RXYLT1: variants seen among roughly 807,000 people sequenced by gnomAD.
The protein encoded by RXYLT1 is ribitol xylosyltransferase 1.
RXYLT1 carries 41 observed loss-of-function variants against 43.5 expected under a neutral mutation model. The ratio of observed to expected loss-of-function variants is 0.94; its 90% CI spans 0.73 to 1.22. The LOEUF (loss-of-function observed/expected upper bound fraction) is 1.22, where lower values mean the gene tolerates loss of function less well. Ranked by LOEUF, RXYLT1 falls within the 50% of genes most tolerant of loss-of-function variation. RXYLT1 has a pLI of 0.00. For missense variants in RXYLT1, 514 were observed against 532.0 expected, an observed-to-expected ratio of 0.97 and a Z score of 0.33; for synonymous variants, 166 against 194.4, an observed-to-expected ratio of 0.85 and a Z score of 1.21.
In RXYLT1 at chr12:63,802,076, T is replaced by C. The variant is rs1012849894; in HGVS notation, c.429-15T>C. The C allele has an allele frequency of 1.9e-5, 30 of 1,557,460 alleles. No homozygotes were observed. The highest frequency in any genetic ancestry group is 2.6e-5 in the Non-Finnish European group (30 of 1,153,244). ...CTTTGTTTGTCTCTTGTTTTTGTTG[T>C]GTTGTTTTTAACAGCTTCATCACTG... On this transcript the variant is annotated splice_polypyrimidine_tract_variant and intron_variant, in intron 3 of 5. Transcript: ENST00000261234.
chr12:63,781,324 C>G (rs893402554), intron 2 of RXYLT1, 150 bp downstream of exon 2: 3 of 760,506 alleles, frequency 3.9e-6, no homozygotes, highest in African/African-American at 3.6e-5. Flanking sequence ...ATTCCTTTCT[C>G]CTTCCAATTA....
chr12:63,788,412 A>T (rs1054513952), intron 3 of RXYLT1, among the ~76,000 whole-genome samples: 1 of 152,192 alleles, frequency 6.6e-6, no homozygotes, highest in African/African-American at 2.4e-5. Flanking sequence ...AAGCTGTTTC[A>T]TCTGCATTGA....
chr12:63,801,542 A>G (rs1215521516), intron 3 of RXYLT1, among the ~76,000 whole-genome samples: 1 of 152,182 alleles, frequency 6.6e-6, no homozygotes. Flanking sequence ...AAAAAAGGTC[A>G]GGCATGGTGG....
intron 2 of RXYLT1, among the ~76,000 whole-genome samples, chr12:63,784,369 C>T (rs986798196): frequency 1.3e-5 from 2 of 152,108 alleles, no homozygotes; most frequent in Non-Finnish European, 2.9e-5. Flanking sequence ...ACACTGCTCT[C>T]CTCTACTCTC....
intron 1 of RXYLT1, chr12:63,780,356 G>T: frequency 7.8e-7 from 1 of 1,286,566 alleles, no homozygotes; most frequent in Non-Finnish European, 9.8e-7. Flanking sequence ...GATCCCAGGG[G>T]GTGACAGGCG....
chr12:63,789,920 T>C (rs1897886350), intron 3 of RXYLT1, among the ~76,000 whole-genome samples: 2 of 152,182 alleles, frequency 1.3e-5, no homozygotes, highest in Non-Finnish European at 2.9e-5. Context: ...CTTGAAGATA[T>C]TGGAAGAATT....
intron 3 of RXYLT1, among the ~76,000 whole-genome samples, chr12:63,791,154 C>T (rs899432075): frequency 1.3e-5 from 2 of 152,170 alleles, no homozygotes; most frequent in African/African-American, 4.8e-5. Flanking sequence ...CTTGAAGGAA[C>T]TTTGCCTACC....
intron 3 of RXYLT1, among the ~76,000 whole-genome samples, chr12:63,798,944 TTAGGTTGTTTAGACC>T (rs1898094274): frequency 6.6e-6 from 1 of 152,220 alleles, no homozygotes. Flanking sequence ...TAGATACTTA[TTAGGTTGTTTAGACC>T]TAATGACTTT....
Position 63,802,114 on chromosome 12 carries a change from T to A in RXYLT1, c.452T>A (p.Ile151Lys). 6.2e-7 allele frequency: 1 copy of A among 1,605,916 alleles called. No individual in the cohort carries two copies. The highest frequency in any genetic ancestry group is 8.5e-7 in the Non-Finnish European group (1 of 1,175,802). Residue 151 changes from isoleucine to lysine, a missense_variant, in exon 4 of 6, where the codon ATA becomes AAA. Physicochemically the swap from Ile to Lys is moderately radical, Grantham distance 102. Coordinates refer to ENST00000261234, the MANE Select transcript of RXYLT1 (RefSeq NM_014254.3). ...QYSFITGPAV[I>K]PGYFSVDVNN... ...AGCTTCATCACTGGTCCAGCTGTAA[T>A]ACCAGGGTACTTCTCCGTTGATGTG... is the stretch of plus-strand genomic sequence containing the variant.
chr12:63,781,783 A>G (rs547764286), intron 2 of RXYLT1, among the ~76,000 whole-genome samples: 2 of 152,240 alleles, frequency 1.3e-5, no homozygotes, highest in South Asian at 4.1e-4. Context: ...AAGAGTCACA[A>G]AGAATTTAGT....
At chr12:63,788,042 A>AT (rs1897845112) in intron 3 of RXYLT1, among the ~76,000 whole-genome samples, 2 of 152,230 alleles carry the variant, frequency 1.3e-5, no homozygotes, top group Admixed American at 6.5e-5. Context: ...GTACATCTCC[A>AT]TCAGATCTCT....
chr12:63,791,021 TTC>T (rs1897909849), intron 3 of RXYLT1, among the ~76,000 whole-genome samples: 1 of 152,208 alleles, frequency 6.6e-6, no homozygotes, highest in Admixed American at 6.5e-5. Flanking sequence ...GTTCTCCTTT[TTC>T]TGTTTCCATT....
chr12:63,783,187 A>C (rs2136220852), intron 2 of RXYLT1, among the ~76,000 whole-genome samples: 1 of 152,336 alleles, frequency 6.6e-6, no homozygotes, highest in East Asian at 1.9e-4. Flanking sequence ...TATTCTAGGC[A>C]TGGCGTCTCA....
intron 5 of RXYLT1, chr12:63,807,899 C>T (rs569200177): frequency 6.6e-6 from 1 of 152,506 alleles, no homozygotes; most frequent in African/African-American, 2.4e-5. Context: ...CAGTTTCTAC[C>T]CTTGCCCCTG....
intron 3 of RXYLT1, among the ~76,000 whole-genome samples, chr12:63,795,282 AAAAAAGAAGAAG>A (rs1405002445): frequency 4.9e-5 from 7 of 143,720 alleles, no homozygotes; most frequent in Non-Finnish European, 1.1e-4. Flanking sequence ...CTGTGTCAAA[AAAAAAGAAGAAG>A]AAGAAGAAGA....
intron 1 of RXYLT1, chr12:63,780,588 G>C: frequency 1.2e-6 from 1 of 860,378 alleles, no homozygotes; most frequent in Non-Finnish European, 1.4e-6. Context: ...GATCAGACTC[G>C]GCTTTCTCTT....
intron 4 of RXYLT1, chr12:63,803,721 A>G (rs547761061): frequency 1.3e-5 from 2 of 152,130 alleles, no homozygotes; most frequent in South Asian, 4.2e-4. Flanking sequence ...ATGTTTTCAT[A>G]TAGTATAAGA....
chr12:63,781,284 C>A, intron 2 of RXYLT1, 110 bp downstream of exon 2: 1 of 1,158,658 alleles, frequency 8.6e-7, no homozygotes, highest in Non-Finnish European at 1.1e-6. Context: ...ATTAAGGCAT[C>A]ATGATATATT....
At chr12:63,780,636 C>T (rs1897659156) in intron 1 of RXYLT1, among the ~76,000 whole-genome samples, 1 of 152,184 alleles carries the variant, frequency 6.6e-6, no homozygotes, top group Non-Finnish European at 1.5e-5. Context: ...GTATCTAAGA[C>T]TGGTGAACAC....
Sources: allele counts gnomAD v4.1 joint callset (sites outside exome capture counted in the v4.1 genomes callset), GRCh38; gene constraint gnomAD v4.1.1; transcripts MANE v1.5; gene names NCBI Gene and HGNC (gene_info 2026-07-23, HGNC 2026-07-21).